COLEC11: variants seen among roughly 807,000 people sequenced by gnomAD.
The protein encoded by COLEC11 is collectin-11.
In COLEC11, 20 loss-of-function variants were observed where a neutral mutation model predicts 27.3. The ratio of observed to expected loss-of-function variants is 0.73; its 90% CI spans 0.51 to 1.06. COLEC11 has a LOEUF of 1.06. Ranked by LOEUF, COLEC11 falls within the 50% of genes least tolerant of loss-of-function variation. The pLI, the probability that COLEC11 is intolerant of heterozygous loss-of-function variation, is 0.00. For missense variants in COLEC11, 310 were observed against 383.0 expected, an observed-to-expected ratio of 0.81 and a Z score of 1.59; for synonymous variants, 163 against 154.7, an observed-to-expected ratio of 1.05 and a Z score of -0.40.
intron 1 of COLEC11, among the ~76,000 whole-genome samples, chr2:3,598,930 A>G (rs149008773): frequency 6.6e-6 from 1 of 152,310 alleles, no homozygotes; most frequent in Non-Finnish European, 1.5e-5. Flanking sequence ...TTGGTATACA[A>G]CGTATATTGG....
chr2:3,643,399 G>C (rs371918146), intron 5 of COLEC11, 45 bp from the exon 6 acceptor site: 2 of 1,495,206 alleles, frequency 1.3e-6, no homozygotes, highest in African/African-American at 1.4e-5. Flanking sequence ...TTCTGAGTCC[G>C]AGTCCTCATC....
At chr2:3,604,167 G>C in intron 1 of COLEC11, 148 bp from the exon 2 acceptor site, 3 of 797,428 alleles carry the variant, frequency 3.8e-6, no homozygotes, top group Non-Finnish European at 6.3e-6. Flanking sequence ...ATTGGTGCTT[G>C]AGTGAGTGAG....
chr2:3,612,334 T>C (rs1295863197), intron 2 of COLEC11, among the ~76,000 whole-genome samples: 1 of 151,950 alleles, frequency 6.6e-6, no homozygotes, highest in Non-Finnish European at 1.5e-5. Flanking sequence ...AGGTAAGAAA[T>C]ACGGCCTTAT....
chr2:3,617,467 C>T (rs1663848085), intron 3 of COLEC11: 16 of 1,346,262 alleles, frequency 1.2e-5, no homozygotes, highest in East Asian at 4.6e-5. Flanking sequence ...TTGCATCTTA[C>T]AAAGCTAAAC....
At chr2:3,620,620 T>A (rs1383280715) in intron 3 of COLEC11, among the ~76,000 whole-genome samples, 2 of 152,198 alleles carry the variant, frequency 1.3e-5, no homozygotes, top group Non-Finnish European at 2.9e-5. Flanking sequence ...TCTAGTCCCT[T>A]ATGGTGTAAA....
rs1221783844 is a variant in COLEC11 at position 3,617,674 on chromosome 2, G to A, written c.202+4292G>A. On this transcript the variant is annotated intron_variant, in intron 3 of 6. Coordinates refer to ENST00000349077, the MANE Select transcript of COLEC11 (RefSeq NM_024027.5). Reference sequence around the variant, plus strand: ...TCTCGATCTCAGCCATATCGGGTTTGTCAGACATGGTTGTGGAGGAAAAGC... The same window carrying A: ...TCTCGATCTCAGCCATATCGGGTTTATCAGACATGGTTGTGGAGGAAAAGC... 2.5e-6 allele frequency: 4 copies of A among 1,611,654 alleles called. No homozygotes were observed. The African/African-American group carries it at 5.3e-5, about 22-fold the overall frequency.
intron 2 of COLEC11, among the ~76,000 whole-genome samples, chr2:3,607,220 C>T (rs992788643): frequency 6.6e-6 from 1 of 151,996 alleles, no homozygotes; most frequent in African/African-American, 2.4e-5. Context: ...CATTCCAGGC[C>T]ATTTCAGATA....
At chr2:3,641,878 C>G (rs115476887) in intron 5 of COLEC11, among the ~76,000 whole-genome samples, 3,789 of 152,228 alleles carry the variant, frequency 0.025, 134 homozygotes, top group African/African-American at 0.077. Context: ...TAAAGCCCAC[C>G]CGCACACCGC....
At chr2:3,634,219 A>G (rs899610377) in intron 3 of COLEC11, among the ~76,000 whole-genome samples, 3 of 152,318 alleles carry the variant, frequency 2.0e-5, no homozygotes, top group African/African-American at 7.2e-5. Flanking sequence ...CGAGGAACCA[A>G]GACACTCCAG....
At chr2:3,608,871 A>G (rs1322984781) in intron 2 of COLEC11, among the ~76,000 whole-genome samples, 5 of 152,234 alleles carry the variant, frequency 3.3e-5, no homozygotes, top group Admixed American at 6.5e-5. Flanking sequence ...TGAACCAGGG[A>G]TTAAAATACT....
At chr2:3,613,792 C>G (rs542004579) in intron 3 of COLEC11, among the ~76,000 whole-genome samples, 1 of 152,258 alleles carries the variant, frequency 6.6e-6, no homozygotes, top group South Asian at 2.1e-4. Context: ...TCGTGTGATT[C>G]TGCCTGCCTC....
chr2:3,606,035 G>A lies in COLEC11; in HGVS notation c.130+1565G>A, dbSNP rs915338269. 2.5e-5 allele frequency: 38 copies of A among 1,538,558 alleles called. No homozygotes were observed. The Middle Eastern group carries it at 5.1e-4, about 20-fold the overall frequency. ...ATGTTGGAAGCAACTTAAACTGTTG[G>A]ATGCCTACGGCTCTCTCAGAAGTTT... On this transcript the variant is annotated intron_variant, in intron 2 of 6. Transcript: ENST00000349077.
chr2:3,606,807 A>G (rs1181597617), intron 2 of COLEC11, among the ~76,000 whole-genome samples: 3 of 152,366 alleles, frequency 2.0e-5, no homozygotes, highest in Non-Finnish European at 4.4e-5. Context: ...GTGTGCCAGC[A>G]GACTTCATCC....
chr2:3,604,074 G>A, intron 1 of COLEC11: 1 of 593,630 alleles, frequency 1.7e-6, no homozygotes, highest in South Asian at 2.0e-5. Context: ...TTCAATCAAG[G>A]CTCACTGACC....
At chr2:3,640,257 G>A (rs1327325739) in intron 4 of COLEC11, 21 bp from the exon 5 acceptor site, 10 of 1,540,900 alleles carry the variant, frequency 6.5e-6, no homozygotes, top group Non-Finnish European at 9.0e-6. Flanking sequence ...TGGTGACTTG[G>A]ACCTTGTTTT....
intron 1 of COLEC11, among the ~76,000 whole-genome samples, chr2:3,598,555 C>G (rs6731055): frequency 0.32 from 48,097 of 152,152 alleles, 8,404 homozygotes; most frequent in African/African-American, 0.47. Context: ...AGCCTGGCAG[C>G]GAACAAGGAA....
chr2:3,605,986 A>G (rs7604806), intron 2 of COLEC11: 869,367 of 1,372,578 alleles, frequency 0.63, 279,368 homozygotes, highest in East Asian at 0.84. Context: ...TGATAAATGT[A>G]CCTGCTTTAG....
intron 3 of COLEC11, among the ~76,000 whole-genome samples, chr2:3,631,818 T>C (rs112380496): frequency 0.014 from 2,117 of 152,282 alleles, 44 homozygotes; most frequent in African/African-American, 0.048. Context: ...TCCTGCCTCC[T>C]GGGCTTGGGA....
At chr2:3,600,433 T>C (rs1313331577) in intron 1 of COLEC11, among the ~76,000 whole-genome samples, 1 of 151,990 alleles carries the variant, frequency 6.6e-6, no homozygotes, top group Non-Finnish European at 1.5e-5. Flanking sequence ...TACATGCCTG[T>C]AGTCTCAGCT....
Sources: allele counts gnomAD v4.1 joint callset (sites outside exome capture counted in the v4.1 genomes callset), GRCh38; gene constraint gnomAD v4.1.1; transcripts MANE v1.5; gene names NCBI Gene and HGNC (gene_info 2026-07-23, HGNC 2026-07-21).